IGSF10: variants seen among roughly 807,000 people sequenced by gnomAD.
IGSF10 encodes calvaria mechanical force protein 608.
Under a neutral mutation model 128.2 loss-of-function variants are expected in IGSF10, and 126 were observed. That is an observed-to-expected ratio of 0.98 (90% CI 0.85 to 1.14). IGSF10 has a LOEUF of 1.14. Ranked by LOEUF, IGSF10 falls within the 50% of genes most tolerant of loss-of-function variation. The pLI, the probability that IGSF10 is intolerant of heterozygous loss-of-function variation, is 0.00. For synonymous variants in IGSF10, 1,185 were observed against 1,146.2 expected (o/e 1.03, Z -0.68); for missense variants, 3,295 against 3,149.8 (o/e 1.05, Z -1.10).
At chr3:151,585,381 A>G in the IGSF10 span, among the ~76,000 whole-genome samples, 5 of 152,200 alleles carry the variant, frequency 3.3e-5, no homozygotes, top group Non-Finnish European at 5.9e-5. Context: ...TGTTTAATAT[A>G]AACTGATGTT....
At position 151,445,697 on chromosome 3, in the gene IGSF10, A is replaced by T; in HGVS notation, c.4284T>A (p.Ser1428Arg). 1 of 1,614,250 alleles carries T rather than the reference A, an allele frequency of 6.2e-7. No individual in the cohort carries two copies. The highest frequency in any genetic ancestry group is 2.2e-5 in the East Asian group (1 of 44,884). ...TDVIEELAQA[S>R]TQTLKSTIAS... is the part of the protein sequence containing the mutation. The stretch of plus-strand genomic sequence containing the variant: ...CAATTGTGCTCTTCAAAGTCTGAGT[A>T]CTTGCTTGGGCTAGTTCTTCAATCA... The change falls in exon 6 of 8, where the codon AGT (serine) becomes AGA (arginine). Residue 1428 changes from serine to arginine, a missense_variant. Ser to Arg is a moderately radical substitution (Grantham distance 110). Coordinates refer to ENST00000282466, the MANE Select transcript of IGSF10 (RefSeq NM_178822.5).
the IGSF10 span, among the ~76,000 whole-genome samples, chr3:151,539,254 A>AG: frequency 6.6e-6 from 1 of 152,174 alleles, no homozygotes; most frequent in Non-Finnish European, 1.5e-5. Context: ...TCCCACGTGG[A>AG]GGCTTGCTCT....
chr3:151,614,784 C>A, the IGSF10 span, among the ~76,000 whole-genome samples: 1 of 151,358 alleles, frequency 6.6e-6, no homozygotes, highest in Non-Finnish European at 1.5e-5. Context: ...AACAAACCTG[C>A]ACGTTGTGCA....
At chr3:151,575,078 G>A in the IGSF10 span, among the ~76,000 whole-genome samples, 1 of 152,192 alleles carries the variant, frequency 6.6e-6, no homozygotes, top group Non-Finnish European at 1.5e-5. Context: ...TTGCAGAAAA[G>A]CAATTATTGC....
the IGSF10 span, among the ~76,000 whole-genome samples, chr3:151,574,274 G>A: frequency 7.2e-5 from 11 of 152,262 alleles, no homozygotes; most frequent in South Asian, 1.9e-3. Flanking sequence ...GCCTTGCTAG[G>A]TTGGGGAAGT....
At chr3:151,492,644 G>C in the IGSF10 span, among the ~76,000 whole-genome samples, 1 of 152,072 alleles carries the variant, frequency 6.6e-6, no homozygotes, top group African/African-American at 2.4e-5. Context: ...CTGGAAACTG[G>C]GAAGCGGAGG....
chr3:151,546,514 AT>A, the IGSF10 span, among the ~76,000 whole-genome samples: 23,404 of 142,328 alleles, frequency 0.16, 2,094 homozygotes, highest in African/African-American at 0.26. Flanking sequence ...TGCCTGGCTA[AT>A]TTTTTTTTTT....
Position 151,446,077 on chromosome 3 carries a change from T to TA in IGSF10, c.3903dup (p.Ile1302TyrfsTer32). ...CTTTTTGTACTTGAGTCTTTGCTTA[T>TA]AATACTAGGAAGCATAGGGTTAAGG... On this transcript the variant is annotated frameshift_variant, in exon 6 of 8. Transcript: ENST00000282466. LOFTEE classifies it high-confidence loss of function. The TA allele has an allele frequency of 1.2e-6, 2 of 1,614,152 alleles. No homozygotes were observed. The highest frequency in any genetic ancestry group is 2.2e-5 in the South Asian group (2 of 91,076).
At chr3:151,554,865 G>C in the IGSF10 span, among the ~76,000 whole-genome samples, 3 of 152,096 alleles carry the variant, frequency 2.0e-5, no homozygotes, top group African/African-American at 7.2e-5. Context: ...TAGCTTGCAA[G>C]GGTTCGAGGC....
chr3:151,461,481 A>G (rs553696025), upstream of IGSF10: 4 of 934,642 alleles, frequency 4.3e-6, no homozygotes, highest in South Asian at 4.9e-5. Context: ...AGTAAATTAT[A>G]TTGCGTATAT....
At chr3:151,500,379 C>A in the IGSF10 span, among the ~76,000 whole-genome samples, 1 of 151,928 alleles carries the variant, frequency 6.6e-6, no homozygotes, top group Non-Finnish European at 1.5e-5. Context: ...TTTTTGAATT[C>A]TGAAGAAAGA....
the IGSF10 span, among the ~76,000 whole-genome samples, chr3:151,472,465 G>A: frequency 2.6e-5 from 4 of 152,164 alleles, no homozygotes; most frequent in Admixed American, 6.5e-5. Flanking sequence ...TACCAATGCA[G>A]CGGCATTACC....
At chr3:151,490,582 C>A in the IGSF10 span, among the ~76,000 whole-genome samples, 3 of 151,382 alleles carry the variant, frequency 2.0e-5, no homozygotes, top group East Asian at 5.8e-4. Flanking sequence ...ACTTTTTTCT[C>A]TAGCATTCAT....
chr3:151,456,448 G>A (rs1721796867), intron 4 of IGSF10, among the ~76,000 whole-genome samples: 1 of 152,154 alleles, frequency 6.6e-6, no homozygotes, highest in African/African-American at 2.4e-5. Context: ...AAAGCTTCAA[G>A]TCCTACTTAT....
chr3:151,550,058 T>C, the IGSF10 span, among the ~76,000 whole-genome samples: 1 of 152,066 alleles, frequency 6.6e-6, no homozygotes, highest in African/African-American at 2.4e-5. Context: ...AGTAATTAAA[T>C]ATAAAAAATA....
At chr3:151,482,249 A>T in the IGSF10 span, among the ~76,000 whole-genome samples, 1 of 152,226 alleles carries the variant, frequency 6.6e-6, no homozygotes. Context: ...CAAAACAATG[A>T]TCTTAAGGAA....
At chr3:151,572,147 T>C in the IGSF10 span, among the ~76,000 whole-genome samples, 2 of 152,246 alleles carry the variant, frequency 1.3e-5, no homozygotes, top group Non-Finnish European at 2.9e-5. Flanking sequence ...GATTTTCCCA[T>C]TGATGATCAT....
chr3:151,458,927 G>GT (rs985075033), intron 2 of IGSF10, among the ~76,000 whole-genome samples: 15 of 152,182 alleles, frequency 9.9e-5, no homozygotes, highest in African/African-American at 3.6e-4. Flanking sequence ...ATTTACTGTT[G>GT]TGAAAATTTC....
At chr3:151,489,429 CT>C in the IGSF10 span, among the ~76,000 whole-genome samples, 1 of 152,106 alleles carries the variant, frequency 6.6e-6, no homozygotes, top group Non-Finnish European at 1.5e-5. Flanking sequence ...CCTCAGGGAT[CT>C]AGAACTAGAA....
Sources: allele counts gnomAD v4.1 joint callset (sites outside exome capture counted in the v4.1 genomes callset), GRCh38; gene constraint gnomAD v4.1.1; transcripts MANE v1.5; gene names NCBI Gene and HGNC (gene_info 2026-07-23, HGNC 2026-07-21).